The following ATCAY variants were observed in gnomAD, a reference collection of about 807,000 sequenced individuals.
The protein encoded by ATCAY is caytaxin.
A neutral mutation model predicts 47.7 loss-of-function variants in ATCAY; 22 were observed. That is an observed-to-expected ratio of 0.46 (90% CI 0.33 to 0.66). The LOEUF (loss-of-function observed/expected upper bound fraction) is 0.66, where lower values mean the gene tolerates loss of function less well. Among genes scored for constraint, ATCAY ranks in the 30% least tolerant of loss-of-function variants. The probability of loss-of-function intolerance (pLI) is 0.02; values close to 1 mark genes in which losing one functional copy is unlikely to be tolerated. For missense variants in ATCAY, 452 were observed against 515.0 expected, an observed-to-expected ratio of 0.88 and a Z score of 1.18; for synonymous variants, 216 against 207.6, an observed-to-expected ratio of 1.04 and a Z score of -0.35.
At chr19:3,887,586 A>G (rs1309231595) in intron 2 of ATCAY, among the ~76,000 whole-genome samples, 5 of 151,102 alleles carry the variant, frequency 3.3e-5, no homozygotes, top group African/African-American at 4.8e-5. Context: ...TCCCGGGTTC[A>G]CGCCATTCTC....
chr19:3,902,301 G>A (rs148961378), intron 2 of ATCAY, among the ~76,000 whole-genome samples, 186 bp from the exon 3 acceptor site: 12,442 of 152,190 alleles, frequency 0.082, 610 homozygotes, highest in Non-Finnish European at 0.11. Flanking sequence ...CAGCCTGGGC[G>A]ATACAGTGAG....
At chr19:3,914,392 T>A (rs1016292827) in intron 9 of ATCAY, among the ~76,000 whole-genome samples, 1 of 151,838 alleles carries the variant, frequency 6.6e-6, no homozygotes, top group Non-Finnish European at 1.5e-5. Context: ...TCAGATCTCA[T>A]GAGACTTACT....
At chr19:3,918,008 T>C (rs1568453167) in intron 10 of ATCAY, among the ~76,000 whole-genome samples, 1 of 152,090 alleles carries the variant, frequency 6.6e-6, no homozygotes, top group Admixed American at 6.6e-5. Flanking sequence ...ACAACCACCT[T>C]GGAGGTTATT....
intron 5 of ATCAY, 137 bp downstream of exon 5, chr19:3,908,056 G>A: frequency 1.6e-6 from 2 of 1,256,194 alleles, no homozygotes; most frequent in Non-Finnish European, 1.1e-6. Context: ...TGTGGGCAAG[G>A]CGTGCATGGT....
intron 2 of ATCAY, among the ~76,000 whole-genome samples, chr19:3,898,847 AATTTTTGT>A (rs1301604211): frequency 4.6e-5 from 7 of 152,068 alleles, no homozygotes; most frequent in African/African-American, 9.7e-5. Context: ...ATGTCCAGCT[AATTTTTGT>A]ATTTTTAGTA....
chr19:3,897,686 T>G (rs972540274), intron 2 of ATCAY, among the ~76,000 whole-genome samples: 3 of 151,948 alleles, frequency 2.0e-5, no homozygotes, highest in Non-Finnish European at 4.4e-5. Flanking sequence ...GGCAGGTGGA[T>G]CTCCTGAGCT....
chr19:3,903,849 A>T (rs972640299), intron 3 of ATCAY, among the ~76,000 whole-genome samples: 130 of 151,722 alleles, frequency 8.6e-4, no homozygotes, highest in African/African-American at 3.0e-3. Context: ...AAAAAGAAAA[A>T]AAAAAAAGGC....
At chr19:3,917,348 G>A (rs1417347503) in intron 9 of ATCAY, among the ~76,000 whole-genome samples, 2 of 151,840 alleles carry the variant, frequency 1.3e-5, no homozygotes, top group Non-Finnish European at 2.9e-5. Context: ...ACTTTGGGAG[G>A]CCGAGGTGGG....
chr19:3,913,758 C>T lies in ATCAY; in HGVS notation c.867C>T (p.Ser289=), dbSNP rs765313645. The change falls in exon 9 of 13, where the codon AGC becomes AGT. Residue 289 remains serine, a splice_region_variant and synonymous_variant. Coordinates refer to ENST00000450849, the MANE Select transcript of ATCAY (RefSeq NM_033064.5). ...TVLAISRPFI[S]VKFINKIQYV... ...CTCTCCCTCCTTCTCCCCCCGCCAG[C>T]GTCAAGTTCATCAACAAGATCCAGT... 6.2e-6 allele frequency: 10 copies of T among 1,613,448 alleles called. No homozygotes were observed. Among genetic ancestry groups the T allele is most frequent in the African/African-American group, 2.7e-5 (2 of 74,954 alleles).
At chr19:3,901,978 C>T (rs1046665992) in intron 2 of ATCAY, among the ~76,000 whole-genome samples, 5 of 151,752 alleles carry the variant, frequency 3.3e-5, no homozygotes, top group Non-Finnish European at 5.9e-5. Context: ...CCAGCCTGGG[C>T]GACAGAGCGA....
At position 3,917,731 on chromosome 19, in the gene ATCAY, C is replaced by G; in HGVS notation, c.966-11C>G. On this transcript the variant is annotated splice_polypyrimidine_tract_variant and intron_variant, in intron 9 of 12. Coordinates refer to ENST00000450849, the MANE Select transcript of ATCAY (RefSeq NM_033064.5). Reference sequence around the variant, plus strand: ...GGAAGGTTGTGTCTGACATCTTTTTCTTTCTTTCAGATACGAAGAGGAAAG... The same window carrying G: ...GGAAGGTTGTGTCTGACATCTTTTTGTTTCTTTCAGATACGAAGAGGAAAG... 1 of 1,610,292 alleles carries G rather than the reference C, an allele frequency of 6.2e-7. No individual in the cohort carries two copies. Among genetic ancestry groups the G allele is most frequent in the African/African-American group, 1.3e-5 (1 of 74,744 alleles).
intron 12 of ATCAY, chr19:3,922,063 G>A: frequency 1.5e-6 from 1 of 675,620 alleles, no homozygotes; most frequent in Admixed American, 2.2e-5. Flanking sequence ...ACAAAGTGCT[G>A]CCAACTAGAG....
intron 2 of ATCAY, among the ~76,000 whole-genome samples, chr19:3,898,775 A>C (rs1279099392): frequency 6.6e-6 from 1 of 152,094 alleles, no homozygotes; most frequent in African/African-American, 2.4e-5. Flanking sequence ...TCCACCTCCC[A>C]GGTTCAAGTG....
rs538434104 is a variant in ATCAY at position 3,915,614 on chromosome 19, C to G, written c.965+1758C>G. On this transcript the variant is annotated intron_variant, in intron 9 of 12. Transcript: ENST00000450849. Reference sequence around the variant, plus strand: ...TTGCCCAGGCTGGAGTGCAGTGGCACGATCTCGGGTCACTGCAACCTCCAC... The same window carrying G: ...TTGCCCAGGCTGGAGTGCAGTGGCAGGATCTCGGGTCACTGCAACCTCCAC... Among the ~76,000 whole-genome samples the G allele has an allele frequency of 4.5e-4, 68 of 150,616 alleles. 1 individual carries two copies. In the South Asian group the frequency reaches 0.014, roughly 30 times the overall value.
chr19:3,897,612 A>G (rs980406246), intron 2 of ATCAY, among the ~76,000 whole-genome samples: 4 of 151,962 alleles, frequency 2.6e-5, no homozygotes, highest in Non-Finnish European at 4.4e-5. Flanking sequence ...TTGCTTTTTA[A>G]AAAATTGAGG....
At chr19:3,909,423 C>A (rs1278135457) in intron 6 of ATCAY, 63 bp from the exon 7 acceptor site, 28 of 1,551,420 alleles carry the variant, frequency 1.8e-5, no homozygotes, top group Non-Finnish European at 2.4e-5. Flanking sequence ...GGGTCGGCAC[C>A]GCAGGTGTCC....
intron 12 of ATCAY, 70 bp downstream of exon 12, chr19:3,920,868 T>C (rs371295813): frequency 4.5e-6 from 7 of 1,572,254 alleles, no homozygotes; most frequent in Non-Finnish European, 6.1e-6. Flanking sequence ...TTAGTCAGGG[T>C]TCTCTAGAAG....
intron 12 of ATCAY, among the ~76,000 whole-genome samples, chr19:3,922,682 T>G (rs1335142156): frequency 2.6e-5 from 4 of 152,160 alleles, no homozygotes; most frequent in Non-Finnish European, 4.4e-5. Context: ...AGGACCAAAC[T>G]TTTCTTTAGA....
At chr19:3,888,833 AAGG>A (rs767814211) in intron 2 of ATCAY, among the ~76,000 whole-genome samples, 9 of 152,014 alleles carry the variant, frequency 5.9e-5, no homozygotes, top group Non-Finnish European at 1.3e-4. Flanking sequence ...GTCCAGGCAG[AAGG>A]AGGACTGTTG....
Sources: allele counts gnomAD v4.1 joint callset (sites outside exome capture counted in the v4.1 genomes callset), GRCh38; gene constraint gnomAD v4.1.1; transcripts MANE v1.5; gene names NCBI Gene and HGNC (gene_info 2026-07-23, HGNC 2026-07-21).